The following NHSL3 variants were observed in gnomAD, a reference collection of about 807,000 sequenced individuals.
NHSL3 encodes NHS-like protein 3.
the NHSL3 span, chr1:32,769,883 T>G: frequency 6.2e-7 from 1 of 1,610,242 alleles, no homozygotes; most frequent in African/African-American, 1.3e-5. Flanking sequence ...CTTCCAGGCC[T>G]GAGGAATGAG....
At chr1:32,745,606 C>G in the NHSL3 span, among the ~76,000 whole-genome samples, 9 of 151,830 alleles carry the variant, frequency 5.9e-5, no homozygotes, top group Admixed American at 1.3e-4. Flanking sequence ...CTGGTCTGCC[C>G]CTCTCAAGCT....
the NHSL3 span, chr1:32,767,899 C>T: frequency 2.5e-6 from 4 of 1,613,962 alleles, no homozygotes; most frequent in South Asian, 2.2e-5. Context: ...GGCGACCCCC[C>T]CACCTGGAAG....
chr1:32,756,482 C>CCT, the NHSL3 span, among the ~76,000 whole-genome samples: 14 of 115,354 alleles, frequency 1.2e-4, 1 homozygote, highest in Non-Finnish European at 2.3e-4. Flanking sequence ...CCCCCCCCCC[C>CCT]GCCCATTTCT....
At chr1:32,770,282 C>T in the NHSL3 span, 3 of 1,608,386 alleles carry the variant, frequency 1.9e-6, no homozygotes, top group African/African-American at 2.7e-5. This position sits in a 1 kb window ranked among gnomAD's most constrained non-coding sequence, Gnocchi z 8.3. Context: ...GACGTGGTGG[C>T]CCTAGGCCGC....
the NHSL3 span, among the ~76,000 whole-genome samples, chr1:32,766,326 G>C: frequency 1.3e-5 from 2 of 152,108 alleles, no homozygotes; most frequent in African/African-American, 2.4e-5. Flanking sequence ...TTCAGACCTG[G>C]ATTAAGACAT....
the NHSL3 span, chr1:32,770,005 CAGGCGCTGG>C: frequency 1.2e-6 from 2 of 1,602,242 alleles, no homozygotes; most frequent in African/African-American, 2.7e-5. This position sits in a 1 kb window ranked among gnomAD's most constrained non-coding sequence, Gnocchi z 8.3. Flanking sequence ...GGTGTCCCTG[CAGGCGCTGG>C]AGGCGGAGGC....
the NHSL3 span, chr1:32,772,750 T>TCC: frequency 9.4e-7 from 1 of 1,060,224 alleles, no homozygotes; most frequent in Non-Finnish European, 1.5e-6. Flanking sequence ...CTGCGGGCAC[T>TCC]GTCAGTAAAT....
chr1:32,769,936 G>A, the NHSL3 span: 34 of 1,607,556 alleles, frequency 2.1e-5, no homozygotes, highest in African/African-American at 3.7e-4. Context: ...TGCACGGGAT[G>A]CCGTACGCAT....
the NHSL3 span, among the ~76,000 whole-genome samples, chr1:32,759,760 C>T: frequency 4.6e-5 from 7 of 152,202 alleles, no homozygotes; most frequent in Non-Finnish European, 7.3e-5. Flanking sequence ...TTAACTTTCT[C>T]AGACTTAGGA....
the NHSL3 span, chr1:32,765,550 A>G: frequency 4.4e-6 from 6 of 1,352,960 alleles, no homozygotes; most frequent in Non-Finnish European, 5.9e-6. Context: ...CCTGCACCCC[A>G]TTTAAGGGGT....
the NHSL3 span, among the ~76,000 whole-genome samples, chr1:32,745,348 G>A: frequency 5.3e-5 from 8 of 150,882 alleles, no homozygotes; most frequent in African/African-American, 2.0e-4. Context: ...TCATGAGGTC[G>A]CGAGTTTAAG....
the NHSL3 span, among the ~76,000 whole-genome samples, chr1:32,755,042 A>G: frequency 6.6e-6 from 1 of 151,952 alleles, no homozygotes; most frequent in Admixed American, 6.5e-5. Context: ...CGCGGGTCAC[A>G]TTCCAGGCTC....
the NHSL3 span, among the ~76,000 whole-genome samples, chr1:32,751,340 AAGCGTC>A: frequency 2.0e-5 from 3 of 152,190 alleles, no homozygotes; most frequent in East Asian, 5.8e-4. Flanking sequence ...GTCAGTATGC[AAGCGTC>A]ACCGTTGCTA....
At chr1:32,771,876 C>A in the NHSL3 span, 1 of 1,592,294 alleles carries the variant, frequency 6.3e-7, no homozygotes, top group Non-Finnish European at 8.6e-7. Context: ...GAGGGGCTCC[C>A]ACCCCAGCAC....
the NHSL3 span, chr1:32,768,248 G>A: frequency 1.3e-6 from 1 of 746,440 alleles, no homozygotes. Context: ...CTGAGGGCTA[G>A]TTCAGGGTTG....
At chr1:32,742,347 C>T in the NHSL3 span, among the ~76,000 whole-genome samples, 4 of 152,230 alleles carry the variant, frequency 2.6e-5, no homozygotes, top group African/African-American at 9.6e-5. Flanking sequence ...AACACTTCCA[C>T]CCTGCGCTGC....
At chr1:32,770,463 C>T in the NHSL3 span, 225 of 1,598,590 alleles carry the variant, frequency 1.4e-4, no homozygotes, top group African/African-American at 1.2e-3. The surrounding 1 kb of genome is among the most constrained non-coding windows in gnomAD (Gnocchi z 8.3). Flanking sequence ...TTGTGTCTGA[C>T]GGTTCCACCC....
chr1:32,765,589 C>T, the NHSL3 span: 3 of 1,484,718 alleles, frequency 2.0e-6, no homozygotes, highest in Middle Eastern at 2.4e-4. Flanking sequence ...GGATCAGTGG[C>T]GAAGGTGGGA....
At chr1:32,771,283 G>A in the NHSL3 span, 14 of 1,609,996 alleles carry the variant, frequency 8.7e-6, no homozygotes, top group South Asian at 1.3e-4. Flanking sequence ...TACCACTGAC[G>A]CCAGTCCTCA....
Sources: allele counts gnomAD v4.1 joint callset (sites outside exome capture counted in the v4.1 genomes callset), GRCh38; gene constraint gnomAD v4.1.1; non-coding constraint Gnocchi (gnomAD v3.1); transcripts MANE v1.5; gene names NCBI Gene and HGNC (gene_info 2026-07-23, HGNC 2026-07-21).